PTPRD: variants seen among roughly 807,000 people sequenced by gnomAD.
The protein encoded by PTPRD is receptor-type tyrosine-protein phosphatase delta.
PTPRD carries 34 observed loss-of-function variants against 214.5 expected under a neutral mutation model. That is an observed-to-expected ratio of 0.16 (90% CI 0.12 to 0.21). The LOEUF is 0.21. Among genes scored for constraint, PTPRD ranks in the 10% least tolerant of loss-of-function variants. PTPRD has a pLI of 1.00. For missense variants in PTPRD, 2,545 were observed against 2,398.7 expected, an observed-to-expected ratio of 1.06 and a Z score of -1.27; for synonymous variants, 1,128 against 845.7, an observed-to-expected ratio of 1.33 and a Z score of -5.79.
At chr9:10,321,209 GA>G (rs1002940604) in intron 3 of PTPRD, among the ~76,000 whole-genome samples, 11 of 151,460 alleles carry the variant, frequency 7.3e-5, no homozygotes, top group Admixed American at 3.9e-4. Flanking sequence ...CTCCAAAGGG[GA>G]AAAAAAACAA....
chr9:9,014,283 A>T (rs912898655), intron 11 of PTPRD, among the ~76,000 whole-genome samples: 4 of 149,556 alleles, frequency 2.7e-5, no homozygotes, highest in African/African-American at 4.9e-5. Flanking sequence ...ACGATCTTTC[A>T]TTCTCACAAT....
chr9:9,063,915 CT>C (rs937386320), intron 10 of PTPRD, among the ~76,000 whole-genome samples: 3 of 152,202 alleles, frequency 2.0e-5, no homozygotes, highest in Middle Eastern at 3.4e-3. Flanking sequence ...AGAGAGTAGT[CT>C]TCTATTTTAT....
intron 7 of PTPRD, among the ~76,000 whole-genome samples, chr9:9,719,147 C>T (rs558249073): frequency 6.6e-6 from 1 of 152,290 alleles, no homozygotes; most frequent in African/African-American, 2.4e-5. Context: ...GAGCCCATAA[C>T]ATCTCCAGAC....
At chr9:9,352,816 G>A (rs1038828447) in intron 9 of PTPRD, among the ~76,000 whole-genome samples, 1 of 151,942 alleles carries the variant, frequency 6.6e-6, no homozygotes, top group African/African-American at 2.4e-5. Flanking sequence ...TCTTAAATAT[G>A]TAGGAAAGGA....
intron 5 of PTPRD, among the ~76,000 whole-genome samples, chr9:9,770,897 T>TA (rs1213221699): frequency 6.6e-6 from 1 of 152,172 alleles, no homozygotes; most frequent in African/African-American, 2.4e-5. Context: ...TACTGTGCTT[T>TA]AAAAGAGAGG....
intron 5 of PTPRD, among the ~76,000 whole-genome samples, chr9:9,773,532 TGACATAA>T (rs561762279): frequency 2.0e-3 from 312 of 152,302 alleles, no homozygotes; most frequent in Middle Eastern, 6.8e-3. Flanking sequence ...GAATATCTCA[TGACATAA>T]GACATAAAGA....
intron 4 of PTPRD, among the ~76,000 whole-genome samples, chr9:10,007,685 C>A (rs2096513807): frequency 6.6e-6 from 1 of 152,060 alleles, no homozygotes; most frequent in East Asian, 1.9e-4. Context: ...CCACCTACAA[C>A]CCCATGCACA....
intron 5 of PTPRD, among the ~76,000 whole-genome samples, chr9:9,841,252 G>T (rs1599419129): frequency 6.6e-6 from 1 of 152,060 alleles, no homozygotes; most frequent in African/African-American, 2.4e-5. Flanking sequence ...GTACATATTG[G>T]TATACATAAG....
chr9:10,436,442 T>C (rs113236488), intron 2 of PTPRD, among the ~76,000 whole-genome samples: 6 of 151,822 alleles, frequency 4.0e-5, no homozygotes, highest in African/African-American at 1.4e-4. Flanking sequence ...TATGATAAGG[T>C]GACAATTTGT....
chr9:9,318,615 AT>A (rs796624526), intron 9 of PTPRD, among the ~76,000 whole-genome samples: 7 of 152,322 alleles, frequency 4.6e-5, no homozygotes, highest in African/African-American at 1.7e-4. Flanking sequence ...AATTTAAAGT[AT>A]AATCACTTTT....
chr9:9,878,943 C>T (rs752893046), intron 5 of PTPRD, among the ~76,000 whole-genome samples: 4 of 152,102 alleles, frequency 2.6e-5, no homozygotes, highest in Admixed American at 2.0e-4. Flanking sequence ...GCTCCAGTCA[C>T]ATTATAGGTT....
At chr9:8,602,267 A>T (rs548353168) in intron 14 of PTPRD, among the ~76,000 whole-genome samples, 3 of 152,334 alleles carry the variant, frequency 2.0e-5, no homozygotes, top group African/African-American at 7.2e-5. Context: ...TTACAATTAC[A>T]TCTATCTGTA....
intron 8 of PTPRD, among the ~76,000 whole-genome samples, chr9:9,548,654 G>A (rs769667172): frequency 6.6e-6 from 1 of 151,832 alleles, no homozygotes; most frequent in African/African-American, 2.4e-5. Context: ...ACACAAAAGA[G>A]TTAAAAGCAA....
At chr9:9,061,459 T>C (rs1391246571) in intron 10 of PTPRD, among the ~76,000 whole-genome samples, 1 of 152,150 alleles carries the variant, frequency 6.6e-6, no homozygotes, top group African/African-American at 2.4e-5. Context: ...TTGAATATAT[T>C]ATGATTCTTT....
intron 3 of PTPRD, among the ~76,000 whole-genome samples, chr9:10,067,104 G>C (rs1250889816): frequency 1.3e-5 from 2 of 151,870 alleles, no homozygotes; most frequent in Non-Finnish European, 2.9e-5. Context: ...AAGTACTAAT[G>C]GATGGTCCAG....
intron 5 of PTPRD, among the ~76,000 whole-genome samples, chr9:9,933,342 G>GTA (rs1250830638): frequency 2.6e-5 from 4 of 151,870 alleles, no homozygotes; most frequent in African/African-American, 7.3e-5. Context: ...CATCTCACAT[G>GTA]CAGAGACACA....
At chr9:10,393,646 T>C (rs2098114439) in intron 2 of PTPRD, among the ~76,000 whole-genome samples, 1 of 148,268 alleles carries the variant, frequency 6.7e-6, no homozygotes, top group Non-Finnish European at 1.5e-5. Context: ...TATATATATA[T>C]ATTAGAGAGA....
chr9:10,223,499 A>C (rs1022458301), intron 3 of PTPRD, among the ~76,000 whole-genome samples: 1 of 151,802 alleles, frequency 6.6e-6, no homozygotes, highest in African/African-American at 2.4e-5. Flanking sequence ...CCCTGTCTTT[A>C]CTAAAAATAG....
intron 9 of PTPRD, among the ~76,000 whole-genome samples, chr9:9,396,446 C>T (rs2067856885): frequency 6.6e-6 from 1 of 151,986 alleles, no homozygotes; most frequent in Non-Finnish European, 1.5e-5. Flanking sequence ...TTGAGAAGCA[C>T]CAATGTAATA....
Sources: gnomAD v4.1 joint callset for allele counts (sites outside exome capture counted in the v4.1 genomes callset) on GRCh38, gnomAD v4.1.1 for gene constraint, MANE v1.5 for transcripts, NCBI Gene and HGNC (gene_info 2026-07-23, HGNC 2026-07-21) for gene names.